The following ATP6V0D1 variants were observed in gnomAD, a reference collection of about 807,000 sequenced individuals.
ATP6V0D1 encodes V-type proton ATPase subunit d 1.
A neutral mutation model predicts 39.0 loss-of-function variants in ATP6V0D1; 13 were observed. The observed-to-expected ratio is 0.33, with a 90% CI of 0.22 to 0.53. The LOEUF (loss-of-function observed/expected upper bound fraction) is 0.53. ATP6V0D1 is among the 20% of genes least tolerant of loss of function. The pLI is 0.94. For missense variants in ATP6V0D1, 272 were observed against 470.9 expected (o/e 0.58, Z 3.91); for synonymous variants, 191 against 191.2 (o/e 1.00, Z 0.01).
intron 1 of ATP6V0D1, among the ~76,000 whole-genome samples, chr16:67,459,793 A>G (rs1444042818): frequency 6.6e-6 from 1 of 152,204 alleles, no homozygotes; most frequent in Non-Finnish European, 1.5e-5. Flanking sequence ...ATAGGGAGGC[A>G]GAAAGGAGGG....
chr16:67,452,518 G>T, intron 2 of ATP6V0D1: 1 of 877,782 alleles, frequency 1.1e-6, no homozygotes, highest in Non-Finnish European at 1.8e-6. Context: ...CCAAGGAAAA[G>T]AGTGGGGGCA....
chr16:67,443,617 A>G (rs1013403400), intron 3 of ATP6V0D1, among the ~76,000 whole-genome samples: 2 of 152,224 alleles, frequency 1.3e-5, no homozygotes, highest in East Asian at 3.9e-4. Flanking sequence ...GACAAGTCCA[A>G]CAGCAGGGTA....
intron 2 of ATP6V0D1, among the ~76,000 whole-genome samples, chr16:67,446,355 C>T (rs1177989636): frequency 6.6e-6 from 1 of 152,212 alleles, no homozygotes; most frequent in Non-Finnish European, 1.5e-5. Context: ...CTCTCCTGGG[C>T]CTGGAGCCAG....
intron 1 of ATP6V0D1, among the ~76,000 whole-genome samples, chr16:67,474,692 T>C (rs756199684): frequency 2.2e-4 from 33 of 152,210 alleles, no homozygotes; most frequent in Non-Finnish European, 3.8e-4. Flanking sequence ...TCTGATTCCA[T>C]GGTTATCTCT....
chr16:67,448,919 G>C (rs918457751), intron 2 of ATP6V0D1, among the ~76,000 whole-genome samples: 2 of 152,220 alleles, frequency 1.3e-5, no homozygotes, highest in African/African-American at 2.4e-5. Context: ...CAACTGCAGA[G>C]TCCTGCCATG....
chr16:67,454,743 C>CGCT (rs2041220476), intron 1 of ATP6V0D1: 1 of 152,122 alleles, frequency 6.6e-6, no homozygotes, highest in Non-Finnish European at 1.5e-5. Context: ...TTAAACTCTC[C>CGCT]GCTACTCCTA....
chr16:67,471,701 T>G (rs2041374706), intron 1 of ATP6V0D1, among the ~76,000 whole-genome samples: 1 of 151,960 alleles, frequency 6.6e-6, no homozygotes, highest in Non-Finnish European at 1.5e-5. Flanking sequence ...AGACGGGGTC[T>G]CTCTCTGTTG....
Position 67,453,420 on chromosome 16 carries a change from G to C in ATP6V0D1, c.302+124C>G. On this transcript the variant is annotated intron_variant, in intron 2 of 7. Coordinates refer to ENST00000290949, the MANE Select transcript of ATP6V0D1 (RefSeq NM_004691.5). This position sits in a 1 kb window ranked among gnomAD's most constrained non-coding sequence, Gnocchi z 4.1. ...CTGGGACACCTGGCCTGACAGAGCT[G>C]CCATCAGCTCTGACAGCTGACACAG... 1 of 1,171,796 alleles carries C rather than the reference G, an allele frequency of 8.5e-7. No individual in the cohort carries two copies. The highest frequency in any genetic ancestry group is 1.2e-6 in the Non-Finnish European group (1 of 816,258). 72.6% of individuals were successfully genotyped at this position (1,171,796 alleles called of 1,614,324 possible).
Position 67,438,973 on chromosome 16 carries a change from G to C in ATP6V0D1, c.814C>G (p.Pro272Ala), listed in dbSNP as rs372479258. Residue 272 changes from proline to alanine, a missense_variant and splice_region_variant, in exon 6 of 8, where the codon CCG becomes GCG. Around this residue, in one of 4 missense-constraint regions of ATP6V0D1, gnomAD observed 135 missense variants for 273.8 expected, o/e 0.49. Coordinates refer to ENST00000290949, the MANE Select transcript of ATP6V0D1 (RefSeq NM_004691.5). The stretch of plus-strand genomic sequence containing the variant: ...GTCCTGCCAGCCGGGGCACTCACCG[G>C]GTAGTAATCGGCCACGTTCTTGACC... ...EQVKNVADYY[P>A]EYKLLFEGAG... 4.3e-6 allele frequency: 7 copies of C among 1,613,628 alleles called. No individual in the cohort carries two copies. In the African/African-American group the frequency reaches 9.3e-5, roughly 22 times the overall value.
chr16:67,445,176 A>T (rs1054679748), intron 2 of ATP6V0D1, among the ~76,000 whole-genome samples: 3 of 152,156 alleles, frequency 2.0e-5, no homozygotes, highest in Non-Finnish European at 4.4e-5. Context: ...TGACGGATGC[A>T]TTGGAGGAAC....
In ATP6V0D1 at chr16:67,453,923, C is replaced by T. The variant is rs2041210484; in HGVS notation, c.131-208G>A. On this transcript the variant is annotated intron_variant, in intron 1 of 7. Transcript: ENST00000290949. The surrounding 1 kb of genome is among the most constrained non-coding windows in gnomAD (Gnocchi z 4.1). The stretch of plus-strand genomic sequence containing the variant: ...ATGCACCAGATCTTTGGGCCACAAT[C>T]CAGCACATGGAGCCCCAAAGTTCGA... 6.6e-6 allele frequency among the ~76,000 whole-genome samples: 1 copy of T among 152,218 alleles called. No homozygotes were observed. The highest frequency in any genetic ancestry group is 2.4e-5 in the African/African-American group (1 of 41,456).
rs1024330466 is a variant in ATP6V0D1, at chr16:67,438,889, G to T, written c.817-19C>A. 1.9e-6 allele frequency: 3 copies of T among 1,613,404 alleles called. No individual in the cohort carries two copies. The highest frequency in any genetic ancestry group is 2.5e-6 in the Non-Finnish European group (3 of 1,179,848). On this transcript the variant is annotated intron_variant, in intron 6 of 7. Coordinates refer to ENST00000290949, the MANE Select transcript of ATP6V0D1 (RefSeq NM_004691.5). ...TGTACTCCTGGCCAGGGGGGTGGGG[G>T]GAAGCACAAGCATGAGGGTTCTGGG...
At chr16:67,475,222 C>A (rs1286647703) in intron 1 of ATP6V0D1, among the ~76,000 whole-genome samples, 1 of 152,190 alleles carries the variant, frequency 6.6e-6, no homozygotes, top group African/African-American at 2.4e-5. Flanking sequence ...ACTTTCCAGC[C>A]ACAGTCCTAA....
rs772900902 is a variant in ATP6V0D1, at chr16:67,438,502, G to A, written c.*26C>T. ...ACACACACACACACACACAAAGAGT[G>A]CAATTGAGAGCCTTGGGCCAGGACG... On this transcript the variant is annotated 3_prime_UTR_variant, in exon 8 of 8. Coordinates refer to ENST00000290949, the MANE Select transcript of ATP6V0D1 (RefSeq NM_004691.5). 3 of 1,612,794 alleles carry A rather than the reference G, an allele frequency of 1.9e-6. No homozygotes were observed. Among genetic ancestry groups the A allele is most frequent in the Admixed American group, 1.7e-5 (1 of 59,902 alleles).
chr16:67,442,486 T>G (rs1209370493), intron 4 of ATP6V0D1, among the ~76,000 whole-genome samples: 1 of 150,472 alleles, frequency 6.6e-6, no homozygotes, highest in Non-Finnish European at 1.5e-5. Context: ...TAAACTTTCC[T>G]CTCCTCTCCG....
chr16:67,454,570 T>G (rs1445201395), intron 1 of ATP6V0D1: 2 of 151,912 alleles, frequency 1.3e-5, no homozygotes, highest in Admixed American at 6.6e-5. Flanking sequence ...TTTGTTTGTT[T>G]TTTTTTTTAG....
intron 1 of ATP6V0D1, among the ~76,000 whole-genome samples, chr16:67,480,636 G>A (rs775494407): frequency 1.0e-3 from 159 of 152,224 alleles, no homozygotes; most frequent in Non-Finnish European, 2.0e-3. Flanking sequence ...GGGTAAAGAG[G>A]TTTGTATGGC....
chr16:67,477,054 A>C (rs1454303507), intron 1 of ATP6V0D1, among the ~76,000 whole-genome samples: 1 of 150,438 alleles, frequency 6.6e-6, no homozygotes, highest in Non-Finnish European at 1.5e-5. Context: ...AAGAAGTACA[A>C]ACATCACCTA....
rs751205648 is a variant in ATP6V0D1, at chr16:67,445,892, C to A, written c.303-1186G>T. The stretch of plus-strand genomic sequence containing the variant: ...GCCACAACTATCCTCCAGTCTGTCA[C>A]CAAAGATGAACTCAGGGTATGAGGG... On this transcript the variant is annotated intron_variant, in intron 2 of 7. Coordinates refer to ENST00000290949, the MANE Select transcript of ATP6V0D1 (RefSeq NM_004691.5). The A allele has an allele frequency of 8.8e-5, 40 of 455,312 alleles. 1 individual carries two copies. Among genetic ancestry groups the A allele is most frequent in the South Asian group, 6.0e-4 (39 of 64,488 alleles). The allele number at this position is 455,312 out of a possible 1,614,324, so 28.2% of individuals were successfully genotyped here. A position where few individuals can be genotyped will look rare whatever the true frequency, so the allele number is the denominator to read the frequency against.
Sources: gnomAD v4.1 joint callset for allele counts (sites outside exome capture counted in the v4.1 genomes callset) on GRCh38, gnomAD v4.1.1 for gene constraint, gnomAD v4.1.1 regional missense constraint, Gnocchi (gnomAD v3.1) non-coding constraint, MANE v1.5 for transcripts, NCBI Gene and HGNC (gene_info 2026-07-23, HGNC 2026-07-21) for gene names.